The following PIGK variants were observed in gnomAD, a reference collection of about 807,000 sequenced individuals.
PIGK encodes GPI-anchor transamidase.
PIGK carries 42 observed loss-of-function variants against 50.6 expected under a neutral mutation model. The observed-to-expected ratio is 0.83, with a 90% CI of 0.65 to 1.07. PIGK has a LOEUF of 1.07. Ranked by LOEUF, PIGK falls within the 50% of genes least tolerant of loss-of-function variation. The pLI is 0.00. For missense variants in PIGK, 448 were observed against 488.7 expected (o/e 0.92, Z 0.78); for synonymous variants, 151 against 156.0 (o/e 0.97, Z 0.24).
chr1:77,165,047 C>T (rs2100557959), intron 5 of PIGK, among the ~76,000 whole-genome samples: 1 of 152,136 alleles, frequency 6.6e-6, no homozygotes, highest in South Asian at 2.1e-4. Context: ...TGGAAGCAGT[C>T]ACAGAAACTG....
intron 10 of PIGK, among the ~76,000 whole-genome samples, chr1:77,114,507 T>C (rs12736719): frequency 0.12 from 17,849 of 152,120 alleles, 1,456 homozygotes; most frequent in African/African-American, 0.22. Context: ...GGAATACTTA[T>C]GACTAGTGAC....
chr1:77,186,261 A>G (rs1258514931), intron 3 of PIGK, among the ~76,000 whole-genome samples: 2 of 152,338 alleles, frequency 1.3e-5, no homozygotes, highest in East Asian at 1.9e-4. Flanking sequence ...GTTCTGCACA[A>G]TATGTGGGCA....
intron 3 of PIGK, among the ~76,000 whole-genome samples, chr1:77,195,925 G>C (rs866344195): frequency 6.6e-6 from 1 of 152,076 alleles, no homozygotes; most frequent in Non-Finnish European, 1.5e-5. Flanking sequence ...TAATAATCCT[G>C]CTACCCAGGT....
intron 3 of PIGK, among the ~76,000 whole-genome samples, chr1:77,200,135 C>T (rs891636751): frequency 2.0e-5 from 3 of 152,136 alleles, no homozygotes; most frequent in East Asian, 3.9e-4. Context: ...AAGATGAAAG[C>T]AGTGTCTGAG....
chr1:77,217,407 G>C (rs1316109297), intron 1 of PIGK, among the ~76,000 whole-genome samples: 1 of 152,154 alleles, frequency 6.6e-6, no homozygotes, highest in Admixed American at 6.5e-5. Context: ...TAAAGGTTTT[G>C]AGAAACTGAA....
chr1:77,107,552 G>T (rs1277968292), intron 10 of PIGK, among the ~76,000 whole-genome samples: 2 of 152,150 alleles, frequency 1.3e-5, no homozygotes, highest in Non-Finnish European at 2.9e-5. Flanking sequence ...GTGCTGAGAA[G>T]AATGTATATT....
chr1:77,107,584 T>C (rs1434325990), intron 10 of PIGK, among the ~76,000 whole-genome samples: 3 of 151,988 alleles, frequency 2.0e-5, no homozygotes, highest in Admixed American at 6.6e-5. Context: ...GGGTGGAGAG[T>C]TCTGTAGATG....
intron 3 of PIGK, chr1:77,195,230 C>A: frequency 8.1e-7 from 1 of 1,232,564 alleles, no homozygotes; most frequent in Non-Finnish European, 1.2e-6. Context: ...TTCTTACTGG[C>A]AGGGCGACCT....
chr1:77,124,067 G>A (rs1654168416), intron 9 of PIGK, among the ~76,000 whole-genome samples: 1 of 151,868 alleles, frequency 6.6e-6, no homozygotes, highest in African/African-American at 2.4e-5. Context: ...GAGACCTTAG[G>A]AGAAATCAAT....
intron 10 of PIGK, among the ~76,000 whole-genome samples, chr1:77,108,050 C>G (rs914044483): frequency 2.0e-5 from 3 of 152,114 alleles, no homozygotes; most frequent in African/African-American, 7.2e-5. Context: ...TCCAATTTGC[C>G]AGTCTGTGTC....
At chr1:77,166,437 GA>G in intron 5 of PIGK, among the ~76,000 whole-genome samples, 1 of 152,118 alleles carries the variant, frequency 6.6e-6, no homozygotes, top group East Asian at 1.9e-4. Context: ...ATTAGCAGGA[GA>G]ACAAAACTGA....
chr1:77,213,808 A>G (rs1656482206), intron 1 of PIGK, among the ~76,000 whole-genome samples: 1 of 152,186 alleles, frequency 6.6e-6, no homozygotes, highest in South Asian at 2.1e-4. Context: ...AAACTAAGAA[A>G]AAGAGAAGAC....
chr1:77,104,948 A>C (rs147655694), intron 10 of PIGK, among the ~76,000 whole-genome samples: 1 of 152,162 alleles, frequency 6.6e-6, no homozygotes, highest in African/African-American at 2.4e-5. Flanking sequence ...GCCTCAGTGC[A>C]TGGAGCAACG....
chr1:77,117,415 C>T (rs1654004207), intron 10 of PIGK, among the ~76,000 whole-genome samples: 1 of 152,226 alleles, frequency 6.6e-6, no homozygotes, highest in South Asian at 2.1e-4. Flanking sequence ...GAAGACATCA[C>T]TCCATTGCTT....
intron 9 of PIGK, among the ~76,000 whole-genome samples, chr1:77,142,690 G>T (rs1330916610): frequency 6.6e-6 from 1 of 151,948 alleles, no homozygotes; most frequent in Non-Finnish European, 1.5e-5. Context: ...CAGGGGAAAG[G>T]CCAGACACTT....
At chr1:77,175,291 T>C (rs1444910613) in intron 3 of PIGK, among the ~76,000 whole-genome samples, 2 of 152,154 alleles carry the variant, frequency 1.3e-5, no homozygotes, top group African/African-American at 2.4e-5. Context: ...AAGAAGGTTA[T>C]AAAGAAAAGA....
chr1:77,130,297 CAAAAAAAAAAAAAAAAAAA>C (rs749423746), intron 9 of PIGK, among the ~76,000 whole-genome samples: 1 of 41,482 alleles, frequency 2.4e-5, no homozygotes, highest in Non-Finnish European at 4.5e-5. Context: ...TACTCCTAAG[CAAAAAAAAAAAAAAAAAAA>C]AAAAAAAAAA....
intron 8 of PIGK, among the ~76,000 whole-genome samples, chr1:77,155,184 T>C (rs1212060384): frequency 6.6e-6 from 1 of 152,212 alleles, no homozygotes; most frequent in Admixed American, 6.5e-5. Context: ...GCATTTTATA[T>C]ATCAAAGCAC....
intron 9 of PIGK, among the ~76,000 whole-genome samples, chr1:77,151,847 C>T (rs941297755): frequency 1.3e-5 from 2 of 152,060 alleles, no homozygotes; most frequent in Non-Finnish European, 2.9e-5. Context: ...GAAGAAGACA[C>T]AAAAAATGGA....
Sources: allele counts gnomAD v4.1 joint callset (sites outside exome capture counted in the v4.1 genomes callset), GRCh38; gene constraint gnomAD v4.1.1; transcripts MANE v1.5; gene names NCBI Gene and HGNC (gene_info 2026-07-23, HGNC 2026-07-21).